The following MTFR1 variants were observed in gnomAD, a reference collection of about 807,000 sequenced individuals.
The protein encoded by MTFR1 is mitochondrial fission regulator 1, also known as chondrocyte protein with a poly-proline region.
Under a neutral mutation model 38.8 loss-of-function variants are expected in MTFR1, and 28 were observed. That is an observed-to-expected ratio of 0.72 (90% CI 0.53 to 0.99). MTFR1 has a LOEUF of 0.99. MTFR1 is among the 50% of genes least tolerant of loss of function. The pLI, the probability that MTFR1 is intolerant of heterozygous loss-of-function variation, is 0.00. For synonymous variants in MTFR1, 145 were observed against 137.0 expected (o/e 1.06, Z -0.41); for missense variants, 358 against 395.5 (o/e 0.91, Z 0.81).
At chr8:65,690,197 C>T (rs1805229894) in intron 3 of MTFR1, among the ~76,000 whole-genome samples, 1 of 151,908 alleles carries the variant, frequency 6.6e-6, no homozygotes, top group Admixed American at 6.6e-5. Context: ...TTATGATATC[C>T]TGAAAATGAG....
chr8:65,693,115 C>T (rs1805331361), intron 3 of MTFR1, among the ~76,000 whole-genome samples: 1 of 151,844 alleles, frequency 6.6e-6, no homozygotes, highest in Non-Finnish European at 1.5e-5. Context: ...AAAAAATCAA[C>T]TTATAGGCTG....
At chr8:65,775,147 C>T (rs1346791296), downstream of MTFR1, among the ~76,000 whole-genome samples, 1 of 152,100 alleles carries the variant, frequency 6.6e-6, no homozygotes, top group African/African-American at 2.4e-5. Context: ...GTTTTCCCCT[C>T]TTAGTTTTTG....
At chr8:65,658,746 T>C (rs1809333446) in intron 1 of MTFR1, among the ~76,000 whole-genome samples, 1 of 152,110 alleles carries the variant, frequency 6.6e-6, no homozygotes. Context: ...AGTACAGACA[T>C]AAATACAGCT....
intron 3 of MTFR1, among the ~76,000 whole-genome samples, chr8:65,731,061 T>G (rs777685933): frequency 1.3e-5 from 2 of 152,208 alleles, no homozygotes; most frequent in Non-Finnish European, 2.9e-5. Flanking sequence ...GGTGCTGTTT[T>G]AGGGGACAGG....
chr8:65,667,872 A>G (rs886736469), intron 1 of MTFR1, among the ~76,000 whole-genome samples: 2 of 152,174 alleles, frequency 1.3e-5, no homozygotes, highest in African/African-American at 4.8e-5. Flanking sequence ...ATATGAACTC[A>G]CACCCTGTTA....
chr8:65,747,639 A>G (rs1202223657), intron 3 of MTFR1: 1 of 1,564,420 alleles, frequency 6.4e-7, no homozygotes, highest in Admixed American at 1.8e-5. Context: ...TTTCTTAAAA[A>G]AACTATACAC....
At chr8:65,764,752 A>C (rs927761322) in intron 3 of MTFR1, among the ~76,000 whole-genome samples, 5 of 144,806 alleles carry the variant, frequency 3.5e-5, no homozygotes, top group Non-Finnish European at 7.4e-5. Flanking sequence ...ACAAATAATC[A>C]AAGTCTAACA....
At chr8:65,674,807 G>C (rs1020233567) in intron 2 of MTFR1, among the ~76,000 whole-genome samples, 3 of 151,978 alleles carry the variant, frequency 2.0e-5, no homozygotes, top group Non-Finnish European at 2.9e-5. Context: ...TACATAAATT[G>C]CCTATATTCA....
chr8:65,740,696 T>C lies in MTFR1; in HGVS notation c.*48+21215T>C, dbSNP rs918013534. On this transcript the variant is annotated intron_variant, in intron 3 of 3. Coordinates refer to the MTFR1 transcript ENST00000521247. ...ATTTACAGGCGTGAGCTACCACGCC[T>C]GGCCAAGTTTCCCTTTCTTTCAAAA... is the stretch of plus-strand genomic sequence containing the variant. Among the ~76,000 whole-genome samples the C allele has an allele frequency of 4.6e-5, 7 of 152,294 alleles. 1 individual carries two copies. The South Asian group carries it at 6.2e-4, about 14-fold the overall frequency.
At chr8:65,696,351 A>G (rs1805441994) in intron 4 of MTFR1, among the ~76,000 whole-genome samples, 1 of 152,204 alleles carries the variant, frequency 6.6e-6, no homozygotes, top group Non-Finnish European at 1.5e-5. Context: ...ATAATTGTAG[A>G]TTCTTCACAT....
chr8:65,670,182 C>T (rs1804529997), intron 2 of MTFR1, among the ~76,000 whole-genome samples, 164 bp downstream of exon 2: 1 of 152,136 alleles, frequency 6.6e-6, no homozygotes. Flanking sequence ...AATCTTTTCT[C>T]AGCATCTGAA....
At chr8:65,644,527 G>C (rs1808893302), upstream of MTFR1, among the ~76,000 whole-genome samples, 1 of 152,220 alleles carries the variant, frequency 6.6e-6, no homozygotes, top group South Asian at 2.1e-4. Context: ...ACAAAGCAAG[G>C]TCCGCACAAA....
the MTFR1 span, among the ~76,000 whole-genome samples, chr8:65,776,427 T>A: frequency 3.9e-5 from 6 of 152,202 alleles, no homozygotes; most frequent in Admixed American, 3.3e-4. Flanking sequence ...TTGTCTTGGC[T>A]ATTCTTGGAG....
chr8:65,752,563 A>T (rs1808016247), intron 3 of MTFR1, among the ~76,000 whole-genome samples: 2 of 152,236 alleles, frequency 1.3e-5, no homozygotes, highest in Admixed American at 6.5e-5. Flanking sequence ...GTATTTTTGT[A>T]TGGCCGCCCA....
chr8:65,650,659 C>T (rs749868867), intron 1 of MTFR1, among the ~76,000 whole-genome samples: 14 of 152,256 alleles, frequency 9.2e-5, no homozygotes, highest in Non-Finnish European at 1.6e-4. Context: ...AATAGTACTC[C>T]GCTATGTATA....
intron 3 of MTFR1, among the ~76,000 whole-genome samples, chr8:65,725,864 T>C (rs1806586214): frequency 6.6e-6 from 1 of 152,178 alleles, no homozygotes; most frequent in South Asian, 2.1e-4. Flanking sequence ...TGTCTTAATT[T>C]TAAGAACCCA....
chr8:65,680,875 C>T lies in MTFR1; in HGVS notation c.67-1478C>T, dbSNP rs531771964. 3.3e-3 allele frequency among the ~76,000 whole-genome samples: 500 copies of T among 150,842 alleles called. 1 individual carries two copies. The highest frequency in any genetic ancestry group is 6.2e-3 in the Non-Finnish European group (417 of 67,776). ...TGCCATCTTGGCTCACTGCAACCTC[C>T]GCTTCCTGGGTTCAAGCAGTTCTCT... On this transcript the variant is annotated intron_variant, in intron 2 of 7. Transcript: ENST00000262146.
chr8:65,644,681 GC>G (rs1242572864), upstream of MTFR1: 2 of 152,290 alleles, frequency 1.3e-5, no homozygotes, highest in East Asian at 3.8e-4. Flanking sequence ...GATCAGCCTG[GC>G]TCAGGCTTGG....
chr8:65,703,419 G>GTTTTT lies in MTFR1; in HGVS notation c.282-1247_282-1243dup, dbSNP rs553260839. Among the ~76,000 whole-genome samples, 283 of 50,942 alleles carry GTTTTT rather than the reference G, an allele frequency of 5.6e-3. 50 individuals are homozygous for GTTTTT. Among genetic ancestry groups the GTTTTT allele is most frequent in the African/African-American group, 9.6e-3 (118 of 12,354 alleles). The allele number at this position is 50,942 out of a possible 152,430, so 33.4% of individuals were successfully genotyped here. A position where few individuals can be genotyped will look rare whatever the true frequency, so the allele number is the denominator to read the frequency against. On this transcript the variant is annotated intron_variant, in intron 4 of 7. Coordinates refer to ENST00000262146, the MANE Select transcript of MTFR1 (RefSeq NM_014637.4). ...GGTACATCCATGCTTGATGTCTCTGGTTTTTTTTTTTTTTTTTTTTTTTTT... is the reference window on the plus strand; with the variant it reads ...GGTACATCCATGCTTGATGTCTCTGGTTTTTTTTTTTTTTTTTTTTTTTTTTTTTT...
Sources: gnomAD v4.1 joint callset for allele counts (sites outside exome capture counted in the v4.1 genomes callset) on GRCh38, gnomAD v4.1.1 for gene constraint, MANE v1.5 for transcripts, NCBI Gene and HGNC (gene_info 2026-07-23, HGNC 2026-07-21) for gene names.